Variants in FLI1 observed in about 807,000 individuals in gnomAD.
FLI1 encodes the protein Fli-1 proto-oncogene, ETS transcription factor.
A neutral mutation model predicts 53.1 loss-of-function variants in FLI1; 13 were observed. The observed-to-expected ratio is 0.24, with a 90% CI of 0.16 to 0.39. The LOEUF (loss-of-function observed/expected upper bound fraction) is 0.39. FLI1 is among the 10% of genes least tolerant of loss of function. FLI1 has a pLI of 1.00. For synonymous variants in FLI1, 244 were observed against 236.7 expected, an observed-to-expected ratio of 1.03 and a Z score of -0.28; for missense variants, 424 against 600.5, an observed-to-expected ratio of 0.71 and a Z score of 3.07.
chr11:128,809,905 T>C (rs934311373), intron 8 of FLI1, among the ~76,000 whole-genome samples: 3 of 152,128 alleles, frequency 2.0e-5, no homozygotes, highest in Non-Finnish European at 4.4e-5. Flanking sequence ...ACAAGTTCTC[T>C]GTAGAACTTA....
At chr11:128,745,260 A>G (rs528824528) in intron 1 of FLI1, among the ~76,000 whole-genome samples, 35 of 152,278 alleles carry the variant, frequency 2.3e-4, no homozygotes, top group African/African-American at 7.9e-4. Context: ...TGACAGAGGG[A>G]AAATGAACAG....
At chr11:128,747,527 G>A (rs1474296519) in intron 1 of FLI1, among the ~76,000 whole-genome samples, 1 of 152,154 alleles carries the variant, frequency 6.6e-6, no homozygotes, top group Admixed American at 6.5e-5. Context: ...TACCCATCCG[G>A]CTAGGTGGGA....
upstream of FLI1, among the ~76,000 whole-genome samples, chr11:128,692,434 T>TCCCCCCC (rs1591722066): frequency 4.2e-5 from 1 of 23,796 alleles, no homozygotes; most frequent in Non-Finnish European, 8.5e-5. Flanking sequence ...CATCCCACCA[T>TCCCCCCC]CCACCCCACC....
intron 2 of FLI1, among the ~76,000 whole-genome samples, chr11:128,765,024 C>G (rs576293322): frequency 1.4e-4 from 20 of 143,684 alleles, no homozygotes; most frequent in African/African-American, 4.9e-4. Flanking sequence ...ACCTGTCCAG[C>G]TGGAGAGCAG....
chr11:128,730,038 G>A (rs1044588216), intron 1 of FLI1, among the ~76,000 whole-genome samples: 3 of 152,120 alleles, frequency 2.0e-5, no homozygotes, highest in Non-Finnish European at 2.9e-5. Context: ...CATTCATGTT[G>A]CCAGAGCTAG....
upstream of FLI1, chr11:128,693,930 A>G: frequency 3.7e-6 from 1 of 269,290 alleles, no homozygotes; most frequent in Non-Finnish European, 6.8e-6. Context: ...AAGAGAGAGG[A>G]GAGCTCGAGG....
intron 3 of FLI1, chr11:128,768,640 G>A (rs1941442213): frequency 5.3e-6 from 1 of 186,970 alleles, no homozygotes; most frequent in Non-Finnish European, 1.0e-5. Context: ...AGGGAGCCAA[G>A]ATCACACCAC....
At chr11:128,790,336 A>AG (rs1942235776) in intron 5 of FLI1, among the ~76,000 whole-genome samples, 1 of 151,742 alleles carries the variant, frequency 6.6e-6, no homozygotes. Context: ...ACAGAGAGAA[A>AG]CAGAGATCGG....
chr11:128,764,101 G>A (rs1941236897), intron 2 of FLI1, among the ~76,000 whole-genome samples: 1 of 152,188 alleles, frequency 6.6e-6, no homozygotes, highest in Admixed American at 6.5e-5. Flanking sequence ...GCTCAGATGT[G>A]CGGGTCTGAT....
At position 128,694,146 on chromosome 11, in the gene FLI1, G is replaced by A; in HGVS notation, c.-113G>A. 2 of 1,189,684 alleles carry A rather than the reference G, an allele frequency of 1.7e-6. No individual in the cohort carries two copies. The highest frequency in any genetic ancestry group is 2.3e-6 in the Non-Finnish European group (2 of 877,098). 73.7% of individuals were successfully genotyped at this position (1,189,684 alleles called of 1,614,324 possible). ...GGCGCTCGCAGGGGGCACGCAGGGAGGGCCCAGGGCGCCAGGGAGGCCGCG... is the reference window on the plus strand; with the variant it reads ...GGCGCTCGCAGGGGGCACGCAGGGAAGGCCCAGGGCGCCAGGGAGGCCGCG... On this transcript the variant is annotated 5_prime_UTR_variant, in exon 1 of 9. Transcript: ENST00000527786.
intron 4 of FLI1, among the ~76,000 whole-genome samples, chr11:128,773,314 C>T (rs1171783341): frequency 6.6e-6 from 1 of 152,080 alleles, no homozygotes; most frequent in Non-Finnish European, 1.5e-5. Flanking sequence ...TGGGTGGTGC[C>T]CTGGCTGGTG....
chr11:128,728,663 G>A (rs1244858658), intron 1 of FLI1, among the ~76,000 whole-genome samples: 1 of 152,226 alleles, frequency 6.6e-6, no homozygotes, highest in Non-Finnish European at 1.5e-5. Flanking sequence ...CAAACAAGGA[G>A]CAGAGTCAAG....
At chr11:128,729,054 A>G (rs1460009588) in intron 1 of FLI1, among the ~76,000 whole-genome samples, 1 of 152,212 alleles carries the variant, frequency 6.6e-6, no homozygotes, top group Non-Finnish European at 1.5e-5. Context: ...TCCTGCGTGA[A>G]TCCTAAAGAC....
At position 128,799,052 on chromosome 11, in the gene FLI1, A is replaced by ATTTTTTTTTTTT. The variant is rs199725753; in HGVS notation, c.656-6310_656-6309insTTTTTTTTTTTT. Among the ~76,000 whole-genome samples the ATTTTTTTTTTTT allele has an allele frequency of 2.8e-5, 4 of 140,440 alleles. 1 individual carries two copies. The highest frequency in any genetic ancestry group is 1.0e-4 in the African/African-American group (4 of 38,240). 92.1% of individuals were successfully genotyped at this position (140,440 alleles called of 152,430 possible). A position where few individuals can be genotyped will look rare whatever the true frequency, so the allele number is the denominator to read the frequency against. On this transcript the variant is annotated intron_variant, in intron 5 of 8. Transcript: ENST00000527786. ...TATTATTATTATTATTATTATTATT[A>ATTTTTTTTTTTT]TTTTGCTTTGGAGACAGGATCTCAC...
chr11:128,777,163 G>T (rs1357958917), intron 4 of FLI1, among the ~76,000 whole-genome samples: 1 of 152,228 alleles, frequency 6.6e-6, no homozygotes, highest in Admixed American at 6.5e-5. Flanking sequence ...AGGCGGGGAA[G>T]GACCTCGAAG....
At chr11:128,689,006 G>T (rs1342787022), upstream of FLI1, among the ~76,000 whole-genome samples, 1 of 152,188 alleles carries the variant, frequency 6.6e-6, no homozygotes, top group Non-Finnish European at 1.5e-5. Context: ...TGACAAAGTT[G>T]TGCTGGCTGC....
intron 4 of FLI1, among the ~76,000 whole-genome samples, chr11:128,775,061 A>T (rs968782344): frequency 6.6e-6 from 1 of 152,238 alleles, no homozygotes; most frequent in African/African-American, 2.4e-5. Flanking sequence ...TAGGTTTCCC[A>T]AAAGGGACTT....
chr11:128,711,298 G>A (rs80160049), intron 1 of FLI1, among the ~76,000 whole-genome samples: 116 of 152,254 alleles, frequency 7.6e-4, no homozygotes, highest in Non-Finnish European at 1.4e-3. Context: ...ATATTTACAC[G>A]GATTATTTTG....
At position 128,694,235 on chromosome 11, in the gene FLI1, G is replaced by T. The variant is rs762545912; in HGVS notation, c.-24G>T. 1.3e-6 allele frequency: 2 copies of T among 1,505,594 alleles called. No individual in the cohort carries two copies. Among genetic ancestry groups the T allele is most frequent in the African/African-American group, 1.5e-5 (1 of 68,708 alleles). The allele number at this position is 1,505,594 out of a possible 1,614,324, so 93.3% of individuals were successfully genotyped here. A position where few individuals can be genotyped will look rare whatever the true frequency, so the allele number is the denominator to read the frequency against. On this transcript the variant is annotated 5_prime_UTR_variant, in exon 1 of 9. Coordinates refer to ENST00000527786, the MANE Select transcript of FLI1 (RefSeq NM_002017.5). ...CCGGGTCAATGTGTGGAATATTGGG[G>T]GGCTCGGCTGCAGACTTGGCCAAAT... is the stretch of plus-strand genomic sequence containing the variant.
Sources: allele counts gnomAD v4.1 joint callset (sites outside exome capture counted in the v4.1 genomes callset), GRCh38; gene constraint gnomAD v4.1.1; transcripts MANE v1.5; gene names NCBI Gene and HGNC (gene_info 2026-07-23, HGNC 2026-07-21).